XBP1: variants seen among roughly 807,000 people sequenced by gnomAD.
XBP1 encodes X-box binding protein 1.
Under a neutral mutation model 34.6 loss-of-function variants are expected in XBP1, and 18 were observed. The ratio of observed to expected loss-of-function variants is 0.52; its 90% CI spans 0.36 to 0.77. The LOEUF (loss-of-function observed/expected upper bound fraction) is 0.77, where lower values mean the gene tolerates loss of function less well. Among genes scored for constraint, XBP1 ranks in the 30% least tolerant of loss-of-function variants. The pLI is 0.00. For missense variants in XBP1, 422 were observed against 464.6 expected (o/e 0.91, Z 0.84); for synonymous variants, 191 against 193.4 (o/e 0.99, Z 0.11).
exon 2 of XBP1, chr22:28,799,079 T>A (rs772806845): frequency 1.2e-6 from 2 of 1,614,208 alleles, no homozygotes; most frequent in Admixed American, 1.7e-5. Flanking sequence ...ATCTACCACT[T>A]GCTGTTCCAG....
intron 2 of XBP1, 75 bp downstream of exon 2, chr22:28,798,981 TG>T: frequency 8.2e-7 from 1 of 1,223,700 alleles, no homozygotes; most frequent in Non-Finnish European, 1.2e-6. Context: ...CAACTTGGGA[TG>T]GGAAGCAAAT....
At chr22:28,796,421 C>A in intron 3 of XBP1, 1 of 391,970 alleles carries the variant, frequency 2.6e-6, no homozygotes, top group Non-Finnish European at 4.5e-6. Flanking sequence ...TTTCATTGTG[C>A]AGGAAATGTA....
chr22:28,800,236 C>T, intron 1 of XBP1, 62 bp downstream of exon 1: 2 of 1,520,750 alleles, frequency 1.3e-6, no homozygotes, highest in Non-Finnish European at 1.8e-6. Flanking sequence ...CCAGCCCCTG[C>T]CCCTGCCCCT....
intron 1 of XBP1, chr22:28,799,889 T>C (rs903293655): frequency 1.8e-5 from 12 of 670,812 alleles, no homozygotes; most frequent in Non-Finnish European, 3.4e-5. Flanking sequence ...TTCCCAGCCC[T>C]TTCAACAGCT....
intron 1 of XBP1, chr22:28,800,048 G>C: frequency 1.3e-6 from 1 of 774,168 alleles, no homozygotes; most frequent in Non-Finnish European, 2.4e-6. Context: ...CCCAGCTCTG[G>C]TCATCTCTAA....
In XBP1 at chr22:28,799,425, C is replaced by G. The variant is rs1189809408; in HGVS notation, c.228-272G>C. Among the ~76,000 whole-genome samples the G allele has an allele frequency of 2.6e-5, 4 of 152,326 alleles. No individual in the cohort carries two copies. In the South Asian group the frequency reaches 8.3e-4, roughly 32 times the overall value. On this transcript the variant is annotated intron_variant, in intron 1 of 5. Transcript: ENST00000344347. ...TCACAGCACTGGGGCTGGACACACA[C>G]ACTATTCATCTTGCATCATAAGGAA...
At chr22:28,798,465 C>T (rs2031792562) in intron 2 of XBP1, among the ~76,000 whole-genome samples, 1 of 151,480 alleles carries the variant, frequency 6.6e-6, no homozygotes. Flanking sequence ...CCTGCCACGA[C>T]ACCCGGCTAA....
chr22:28,795,012 G>T, downstream of XBP1: 1 of 571,144 alleles, frequency 1.8e-6, no homozygotes, highest in Non-Finnish European at 2.8e-6. Flanking sequence ...GATGTCAAAA[G>T]ACAATACCTG....
intron 3 of XBP1, chr22:28,796,394 C>G: frequency 2.3e-6 from 1 of 442,014 alleles, no homozygotes. Context: ...GAATCTTTGC[C>G]TGGAGGAGGA....
upstream of XBP1, chr22:28,800,550 G>C: frequency 6.8e-7 from 1 of 1,470,612 alleles, no homozygotes; most frequent in Non-Finnish European, 8.9e-7. Context: ...ACCGCGCACC[G>C]CGCGCCGCAG....
intron 3 of XBP1, chr22:28,796,686 AAG>A (rs2031758068): frequency 5.7e-6 from 1 of 175,284 alleles, no homozygotes. Flanking sequence ...CACTATTACA[AAG>A]AATCCTTTCC....
In XBP1 at chr22:28,796,134, G is replaced by A. The variant is rs773408332; in HGVS notation, c.499-13C>T. On this transcript the variant is annotated splice_polypyrimidine_tract_variant and intron_variant, in intron 4 of 5. Transcript: ENST00000344347. ...CTGGGCCTGCACCTGCTGCAGAGGT[G>A]CACGTAGTCTGAGTGCTGCGGACTC... 6.8e-6 allele frequency: 11 copies of A among 1,613,018 alleles called. No individual in the cohort carries two copies. The Admixed American group carries it at 8.4e-5, about 12-fold the overall frequency.
chr22:28,798,288 C>G (rs946117696), intron 2 of XBP1, among the ~76,000 whole-genome samples: 10 of 139,706 alleles, frequency 7.2e-5, no homozygotes, highest in African/African-American at 2.7e-4. Flanking sequence ...ACTCTCTGTC[C>G]TAACTTAGAT....
upstream of XBP1, chr22:28,800,566 C>G: frequency 1.4e-6 from 2 of 1,462,090 alleles, no homozygotes; most frequent in Non-Finnish European, 1.8e-6. Context: ...CGCAGCCGCC[C>G]AGCGCCCAGC....
chr22:28,798,470 G>C (rs990731394), intron 2 of XBP1, among the ~76,000 whole-genome samples: 2 of 151,102 alleles, frequency 1.3e-5, no homozygotes. Context: ...CACGACACCC[G>C]GCTAATTTTT....
chr22:28,796,075 G>A, exon 5 of XBP1: 1 of 1,614,192 alleles, frequency 6.2e-7, no homozygotes, highest in South Asian at 1.1e-5. Context: ...AATACCGCCA[G>A]AATCCATGGG....
At chr22:28,797,023 A>G (rs555319462) in intron 3 of XBP1, 54 bp downstream of exon 3, 12 of 1,554,212 alleles carry the variant, frequency 7.7e-6, no homozygotes, top group South Asian at 2.4e-5. Flanking sequence ...TCGCTGGGTC[A>G]TGTCACTTGG....
chr22:28,796,277 A>G, intron 3 of XBP1, 85 bp from the exon 4 acceptor site: 1 of 1,346,576 alleles, frequency 7.4e-7, no homozygotes, highest in Non-Finnish European at 9.9e-7. Flanking sequence ...AACTTTAAAG[A>G]ATTACTTTTC....
chr22:28,797,032 G>A, intron 3 of XBP1, 45 bp downstream of exon 3: 1 of 1,563,406 alleles, frequency 6.4e-7, no homozygotes, highest in Non-Finnish European at 8.6e-7. Flanking sequence ...CATGTCACTT[G>A]GAACCAGTAC....
Sources: gnomAD v4.1 joint callset for allele counts (sites outside exome capture counted in the v4.1 genomes callset) on GRCh38, gnomAD v4.1.1 for gene constraint, MANE v1.5 for transcripts, NCBI Gene and HGNC (gene_info 2026-07-23, HGNC 2026-07-21) for gene names.